The following DNM2 variants were observed in gnomAD, a reference collection of about 807,000 sequenced individuals.
DNM2 encodes dynamin-2.
In DNM2, 15 loss-of-function variants were observed where a neutral mutation model predicts 99.0. That is an observed-to-expected ratio of 0.15 (90% CI 0.10 to 0.23). The LOEUF (loss-of-function observed/expected upper bound fraction) is 0.23, where lower values mean the gene tolerates loss of function less well. Ranked by LOEUF, DNM2 falls within the 10% of genes least tolerant of loss-of-function variation. The pLI, the probability that DNM2 is intolerant of heterozygous loss-of-function variation, is 1.00. For synonymous variants in DNM2, 525 were observed against 481.2 expected, an observed-to-expected ratio of 1.09 and a Z score of -1.19; for missense variants, 742 against 1,189.4, an observed-to-expected ratio of 0.62 and a Z score of 5.53.
intron 3 of DNM2, among the ~76,000 whole-genome samples, chr19:10,773,009 T>A (rs889465957): frequency 1.4e-5 from 2 of 146,812 alleles, no homozygotes. Flanking sequence ...AGACAGAGTC[T>A]TGCTCTGTTG....
chr19:10,781,018 T>TAAAAA (rs5827115), intron 5 of DNM2, among the ~76,000 whole-genome samples: 14 of 114,434 alleles, frequency 1.2e-4, no homozygotes, highest in African/African-American at 3.4e-5. Flanking sequence ...ACTCTGTCTT[T>TAAAAA]AAAAAAAAAA....
At chr19:10,746,717 C>CTTTTTT (rs1279869201) in intron 1 of DNM2, among the ~76,000 whole-genome samples, 4 of 103,194 alleles carry the variant, frequency 3.9e-5, no homozygotes, top group Non-Finnish European at 5.5e-5. Flanking sequence ...ACCGTGCCGG[C>CTTTTTT]TTTTTTTTTG....
At chr19:10,727,345 G>GTTTTC (rs113950959) in intron 1 of DNM2, among the ~76,000 whole-genome samples, 4 of 151,784 alleles carry the variant, frequency 2.6e-5, no homozygotes, top group Non-Finnish European at 5.9e-5. Flanking sequence ...TAGAGAGGAG[G>GTTTTC]TTTTCTTTTC....
intron 16 of DNM2, among the ~76,000 whole-genome samples, chr19:10,821,835 A>T (rs1347161316): frequency 6.6e-6 from 1 of 151,742 alleles, no homozygotes; most frequent in African/African-American, 2.4e-5. Flanking sequence ...CTGGCCCAAA[A>T]CCCCGACTTC....
intron 1 of DNM2, among the ~76,000 whole-genome samples, chr19:10,739,842 C>T (rs2069674751): frequency 1.7e-5 from 2 of 115,890 alleles, no homozygotes. Context: ...GGCAACAGAG[C>T]AAGACTCTCT....
chr19:10,752,967 A>G (rs867749614), intron 1 of DNM2, among the ~76,000 whole-genome samples: 1 of 152,038 alleles, frequency 6.6e-6, no homozygotes, highest in Non-Finnish European at 1.5e-5. Flanking sequence ...AACAAACAAA[A>G]AAACCAAAAA....
rs757121012 is a variant in DNM2, at chr19:10,718,391, A to G, written c.149A>G (p.Asn50Ser). The G allele has an allele frequency of 1.0e-5, 15 of 1,486,370 alleles. No individual in the cohort carries two copies. The Admixed American group carries it at 1.8e-4, about 18-fold the overall frequency. 92.1% of individuals were successfully genotyped at this position (1,486,370 alleles called of 1,614,324 possible). A position where few individuals can be genotyped will look rare whatever the true frequency, so the allele number is the denominator to read the frequency against. The change falls in exon 1 of 21, where the codon AAC becomes AGC. Residue 50 changes from asparagine (N) to serine (S), a missense_variant. Asn to Ser is a conservative substitution (Grantham distance 46). This residue lies in a region of DNM2 where 192 missense variants were observed against 358.9 expected (regional missense o/e 0.54). Coordinates refer to ENST00000389253, the MANE Select transcript of DNM2 (RefSeq NM_001005361.3). The part of the protein sequence containing the change: ...QSAGKSSVLE[N>S]FVGRDFLPRG... ...GCCGGCAAGAGCTCGGTGCTGGAGA[A>G]CTTCGTGGGCCGGTGAGCGGGCGCG...
chr19:10,829,208 T>C lies in DNM2; in HGVS notation c.2231T>C (p.Val744Ala), dbSNP rs777609224. ...ATCGGTGACATCAGCACCAGCACTG[T>C]GTCCACGCCTGTACCCCCGCCTGTC... is the stretch of plus-strand genomic sequence containing the variant. ...NIIGDISTST[V>A]STPVPPPVDD... Residue 744 changes from valine (V) to alanine (A), a missense_variant, in exon 19 of 21, where the codon GTG becomes GCG. By Grantham distance (64) the Val-to-Ala change is moderately conservative (BLOSUM62 0). Transcript: ENST00000389253. 5.0e-5 allele frequency: 81 copies of C among 1,613,836 alleles called. No homozygotes were observed. The highest frequency in any genetic ancestry group is 6.7e-5 in the Non-Finnish European group (79 of 1,180,034).
Position 10,819,965 on chromosome 19 carries a change from T to TC in DNM2, c.1672-12dup, listed in dbSNP as rs773047444. 1.2e-6 allele frequency: 2 copies of TC among 1,613,020 alleles called. No homozygotes were observed. The highest frequency in any genetic ancestry group is 2.2e-5 in the South Asian group (2 of 91,062). ...CGTGGACCGCTCAGGGTGACTCTTT[T>TC]CCCTCCACCCTCAGGAGAAAGAGAA... is the stretch of plus-strand genomic sequence containing the variant. On this transcript the variant is annotated splice_polypyrimidine_tract_variant and intron_variant, in intron 15 of 20. Coordinates refer to ENST00000389253, the MANE Select transcript of DNM2 (RefSeq NM_001005361.3).
At chr19:10,738,851 C>G (rs2145749601) in intron 1 of DNM2, among the ~76,000 whole-genome samples, 1 of 123,506 alleles carries the variant, frequency 8.1e-6, no homozygotes, top group South Asian at 2.7e-4. Flanking sequence ...GCCTGGGCAA[C>G]AAGAGCAAAA....
intron 14 of DNM2, 74 bp downstream of exon 14, chr19:10,808,654 T>G: frequency 1.3e-6 from 2 of 1,506,530 alleles, no homozygotes; most frequent in Non-Finnish European, 1.8e-6. Flanking sequence ...ACCCCTAATA[T>G]TCCCTGTTCC....
chr19:10,747,038 A>ATTT (rs776244156), intron 1 of DNM2, among the ~76,000 whole-genome samples: 1 of 132,440 alleles, frequency 7.6e-6, no homozygotes. Flanking sequence ...CACTCAACCA[A>ATTT]TTTTTTTTTT....
rs923250534 is a variant in DNM2, at chr19:10,812,439, G to A, written c.1671+62G>A. 6 of 1,408,866 alleles carry A rather than the reference G, an allele frequency of 4.3e-6. No individual in the cohort carries two copies. Among genetic ancestry groups the A allele is most frequent in the Non-Finnish European group, 5.9e-6 (6 of 1,022,224 alleles). 87.3% of individuals were successfully genotyped at this position (1,408,866 alleles called of 1,614,324 possible). On this transcript the variant is annotated intron_variant, in intron 15 of 20. Coordinates refer to ENST00000389253, the MANE Select transcript of DNM2 (RefSeq NM_001005361.3). The surrounding 1 kb of genome is among the most constrained non-coding windows in gnomAD (Gnocchi z 4.0). ...TGGGGCAGCCAGGGAAGAGCGGGTG[G>A]GCGCTCCCTCTGGGCAGAACTCAGT... is the stretch of plus-strand genomic sequence containing the variant.
chr19:10,729,188 A>AAC (rs1437585359), intron 1 of DNM2, among the ~76,000 whole-genome samples: 2 of 147,352 alleles, frequency 1.4e-5, no homozygotes, highest in African/African-American at 2.5e-5. Flanking sequence ...AAAAAAAAAA[A>AAC]AATATAAAAA....
chr19:10,746,672 G>A (rs559344833), intron 1 of DNM2, among the ~76,000 whole-genome samples: 2 of 151,232 alleles, frequency 1.3e-5, no homozygotes, highest in South Asian at 2.1e-4. Context: ...TACCTGCCTC[G>A]GTCTCCCAAA....
Position 10,797,378 on chromosome 19 carries a change from A to G in DNM2, c.1197-2A>G. The G allele has an allele frequency of 6.2e-7, 1 of 1,612,526 alleles. No individual in the cohort carries two copies. The highest frequency in any genetic ancestry group is 8.5e-7 in the Non-Finnish European group (1 of 1,179,972). Reference sequence around the variant, plus strand: ...CCTCATCCTGCCCTCCGCATGACCCAGGACGGGGCTCTTCACCCCCGACAT... The same window carrying G: ...CCTCATCCTGCCCTCCGCATGACCCGGGACGGGGCTCTTCACCCCCGACAT... On this transcript the variant is annotated splice_acceptor_variant, in intron 9 of 20. Transcript: ENST00000389253. LOFTEE classifies it high-confidence loss of function.
Position 10,819,984 on chromosome 19 carries a change from A to G in DNM2, c.1676A>G (p.Lys559Arg), listed in dbSNP as rs886043756. ...CTCTTTTCCCTCCACCCTCAGGAGA[A>G]AGAGAAGAAGTACATGCTGCCTCTG... is the stretch of plus-strand genomic sequence containing the variant. ...SLSWYKDEEE[K>R]EKKYMLPLDN... The change falls in exon 16 of 21, where the codon AAA becomes AGA. Residue 559 changes from lysine to arginine, a missense_variant. Around this residue, in one of 7 missense-constraint regions of DNM2, gnomAD observed 240 missense variants for 431.3 expected, o/e 0.56. Transcript: ENST00000389253. The G allele has an allele frequency of 2.5e-6, 4 of 1,614,004 alleles. No individual in the cohort carries two copies. The highest frequency in any genetic ancestry group is 1.7e-5 in the Admixed American group (1 of 60,004).
intron 3 of DNM2, among the ~76,000 whole-genome samples, chr19:10,774,491 A>T (rs2071083901): frequency 6.6e-6 from 1 of 151,982 alleles, no homozygotes. Flanking sequence ...CAATGGTGCA[A>T]TCTTGGCTTA....
At chr19:10,829,588 C>A (rs2073262345) in intron 19 of DNM2, among the ~76,000 whole-genome samples, 1 of 152,164 alleles carries the variant, frequency 6.6e-6, no homozygotes, top group Admixed American at 6.5e-5. Flanking sequence ...GAGAGATGAG[C>A]CTCCTGGAGC....
Sources: gnomAD v4.1 joint callset for allele counts (sites outside exome capture counted in the v4.1 genomes callset) on GRCh38, gnomAD v4.1.1 for gene constraint, gnomAD v4.1.1 regional missense constraint, Gnocchi (gnomAD v3.1) non-coding constraint, MANE v1.5 for transcripts, NCBI Gene and HGNC (gene_info 2026-07-23, HGNC 2026-07-21) for gene names.